CCDC171: variants seen among roughly 807,000 people sequenced by gnomAD.
CCDC171 encodes coiled-coil domain containing 171, also known as coiled-coil domain-containing protein 171.
CCDC171 carries 177 observed loss-of-function variants against 168.2 expected under a neutral mutation model. The ratio of observed to expected loss-of-function variants is 1.05; its 90% confidence interval spans 0.93 to 1.19. The LOEUF (loss-of-function observed/expected upper bound fraction) is 1.19. Ranked by LOEUF, CCDC171 falls within the 50% of genes most tolerant of loss-of-function variation. The probability of loss-of-function intolerance (pLI) is 0.00; values close to 1 mark genes in which losing one functional copy is unlikely to be tolerated. For synonymous variants in CCDC171, 687 were observed against 540.8 expected (o/e 1.27, Z -3.75); for missense variants, 1,991 against 1,539.0 (o/e 1.29, Z -4.91).
At chr9:15,700,322 C>T (rs898770810) in intron 11 of CCDC171, among the ~76,000 whole-genome samples, 13 of 152,330 alleles carry the variant, frequency 8.5e-5, no homozygotes, top group Admixed American at 8.5e-4. Flanking sequence ...GCAGGGCCGG[C>T]CGGCTGCTCT....
At chr9:16,066,729 G>A in the CCDC171 span, among the ~76,000 whole-genome samples, 1 of 149,116 alleles carries the variant, frequency 6.7e-6, no homozygotes, top group Non-Finnish European at 1.5e-5. Context: ...TTTTGTTCTT[G>A]CGATAGTTTA....
intron 3 of CCDC171, among the ~76,000 whole-genome samples, chr9:16,017,970 A>C (rs1187309866): frequency 6.6e-6 from 1 of 152,218 alleles, no homozygotes; most frequent in African/African-American, 2.4e-5. Flanking sequence ...TGCTGGTGGA[A>C]ATGACAGAAG....
In CCDC171 at chr9:15,721,861, G is replaced by A. The variant is rs1242931767; in HGVS notation, c.1411G>A (p.Asp471Asn). The A allele has an allele frequency of 6.5e-7, 1 of 1,547,220 alleles. No individual in the cohort carries two copies. Among genetic ancestry groups the A allele is most frequent in the Admixed American group, 1.9e-5 (1 of 53,920 alleles). Reference sequence around the variant, plus strand: ...GACAGATTACCAGAACAAGCTGGAAGATGCATCTAATGAGGTAACACTTGC... The same window carrying A: ...GACAGATTACCAGAACAAGCTGGAAAATGCATCTAATGAGGTAACACTTGC... ...TLTDYQNKLE[D>N]ASNEEKACNE... The change falls in exon 12 of 26, where the codon GAT becomes AAT. Residue 471 changes from aspartate (D) to asparagine (N), a missense_variant. Coordinates refer to ENST00000380701, the MANE Select transcript of CCDC171 (RefSeq NM_173550.4).
At position 15,752,230 on chromosome 9, in the gene CCDC171, C is replaced by T. The variant is rs538803912; in HGVS notation, c.2671+6599C>T. 3.9e-5 allele frequency among the ~76,000 whole-genome samples: 6 copies of T among 152,192 alleles called. No individual in the cohort carries two copies. The South Asian group carries it at 1.0e-3, about 26-fold the overall frequency. On this transcript the variant is annotated intron_variant, in intron 18 of 25. Coordinates refer to ENST00000380701, the MANE Select transcript of CCDC171 (RefSeq NM_173550.4). The stretch of plus-strand genomic sequence containing the variant: ...TACCATCGCACACCAGTTAGAATGG[C>T]GATCATGAAAAAGTCAGGAAACAAC...
intron 18 of CCDC171, among the ~76,000 whole-genome samples, chr9:15,775,980 A>G (rs2057303148): frequency 6.6e-6 from 1 of 152,188 alleles, no homozygotes; most frequent in Non-Finnish European, 1.5e-5. Context: ...TAGGTATTGA[A>G]ATGATAAATT....
chr9:15,918,025 A>G (rs369988846), intron 24 of CCDC171, among the ~76,000 whole-genome samples: 1 of 151,752 alleles, frequency 6.6e-6, no homozygotes, highest in South Asian at 2.1e-4. Context: ...GTGCTTTCTT[A>G]TATTAAATGC....
chr9:16,089,528 ATAATC>A, the CCDC171 span, among the ~76,000 whole-genome samples: 2 of 151,586 alleles, frequency 1.3e-5, no homozygotes, highest in Non-Finnish European at 2.9e-5. Flanking sequence ...GTTTAAGTCT[ATAATC>A]TATCTTGTGT....
At chr9:15,914,070 G>T (rs1243674525) in intron 24 of CCDC171, among the ~76,000 whole-genome samples, 1 of 152,206 alleles carries the variant, frequency 6.6e-6, no homozygotes, top group Non-Finnish European at 1.5e-5. Context: ...TGTATATGAG[G>T]CGTCTGTCAA....
intron 4 of CCDC171, 91 bp from the exon 5 acceptor site, chr9:15,591,275 G>A: frequency 2.7e-6 from 2 of 729,282 alleles, no homozygotes; most frequent in South Asian, 1.7e-5. Context: ...AGATCATGCT[G>A]TAAATGATGT....
chr9:15,625,001 G>T (rs1051546507), intron 7 of CCDC171, among the ~76,000 whole-genome samples: 4 of 152,156 alleles, frequency 2.6e-5, no homozygotes, highest in African/African-American at 7.2e-5. Context: ...TTTAATGATT[G>T]CCATTCTAAC....
rs529376639 is a variant in CCDC171 at position 15,666,708 on chromosome 9, C to A, written c.1076+385C>A. Among the ~76,000 whole-genome samples, 14 of 152,066 alleles carry A rather than the reference C, an allele frequency of 9.2e-5. No individual in the cohort carries two copies. The South Asian group carries it at 2.9e-3, about 32-fold the overall frequency. ...AGTATAGTGGTGTGCACCTGTAGTC[C>A]CAGCTACTCGAGAGGCTGAGGTGGG... is the stretch of plus-strand genomic sequence containing the variant. On this transcript the variant is annotated intron_variant, in intron 9 of 25. Coordinates refer to ENST00000380701, the MANE Select transcript of CCDC171 (RefSeq NM_173550.4).
chr9:15,943,906 TA>T (rs1308335604), intron 25 of CCDC171, among the ~76,000 whole-genome samples: 1 of 151,974 alleles, frequency 6.6e-6, no homozygotes, highest in Non-Finnish European at 1.5e-5. Flanking sequence ...GGAATATTTT[TA>T]AGAAGTTGTA....
intron 9 of CCDC171, among the ~76,000 whole-genome samples, chr9:15,668,118 A>C (rs2048861040): frequency 6.6e-6 from 1 of 152,230 alleles, no homozygotes; most frequent in Non-Finnish European, 1.5e-5. Context: ...AGAAGTCAGA[A>C]TGAGCTCCCA....
chr9:15,738,121 C>A (rs1001665871), intron 16 of CCDC171, among the ~76,000 whole-genome samples: 2 of 152,118 alleles, frequency 1.3e-5, no homozygotes, highest in Non-Finnish European at 2.9e-5. Flanking sequence ...GTGCAATTTG[C>A]CTTTTTGCCA....
At chr9:16,018,799 A>G (rs1185260683) in intron 3 of CCDC171, among the ~76,000 whole-genome samples, 1 of 152,232 alleles carries the variant, frequency 6.6e-6, no homozygotes. Context: ...GGAGCTACAA[A>G]AGGTTATGGG....
chr9:16,024,810 A>C (rs1292774480), intron 6 of CCDC171, among the ~76,000 whole-genome samples: 1 of 152,212 alleles, frequency 6.6e-6, no homozygotes, highest in African/African-American at 2.4e-5. Flanking sequence ...GGATACCTAC[A>C]TATACGGCAC....
At position 15,779,116 on chromosome 9, in the gene CCDC171, G is replaced by A; in HGVS notation, c.3047G>A (p.Gly1016Asp). The A allele has an allele frequency of 6.3e-7, 1 of 1,586,238 alleles. No homozygotes were observed. The highest frequency in any genetic ancestry group is 8.5e-7 in the Non-Finnish European group (1 of 1,169,680). Reference sequence around the variant, plus strand: ...AAAAAGGAGCTTGACAAAGCCCAGGGTCTGCAAATGCAATTAAATGAATTT... The same window carrying A: ...AAAAAGGAGCTTGACAAAGCCCAGGATCTGCAAATGCAATTAAATGAATTT... Reference protein sequence around the residue: ...EMKKELDKAQGLQMQLNEFKQ... With the variant: ...EMKKELDKAQDLQMQLNEFKQ... Residue 1016 changes from glycine (G) to aspartate (D), a missense_variant, in exon 20 of 26, where the codon GGT (glycine) becomes GAT (aspartate). Transcript: ENST00000380701.
At chr9:15,645,639 G>C (rs2046977715) in intron 7 of CCDC171, among the ~76,000 whole-genome samples, 1 of 152,182 alleles carries the variant, frequency 6.6e-6, no homozygotes, top group Non-Finnish European at 1.5e-5. Context: ...GTGAAAGAAA[G>C]GGTATCAGTG....
chr9:15,910,765 C>T (rs1355985400), intron 24 of CCDC171, among the ~76,000 whole-genome samples: 2 of 151,300 alleles, frequency 1.3e-5, no homozygotes, highest in Non-Finnish European at 2.9e-5. Context: ...TCTCATTATT[C>T]AACTCCCACT....
Sources: gnomAD v4.1 joint callset for allele counts (sites outside exome capture counted in the v4.1 genomes callset) on GRCh38, gnomAD v4.1.1 for gene constraint, MANE v1.5 for transcripts, NCBI Gene and HGNC (gene_info 2026-07-23, HGNC 2026-07-21) for gene names.